The following CRYBG1 variants were observed in gnomAD, a reference collection of about 807,000 sequenced individuals.
The protein encoded by CRYBG1 is beta/gamma crystallin domain-containing protein 1.
CRYBG1 carries 139 observed loss-of-function variants against 189.2 expected under a neutral mutation model. The observed-to-expected ratio is 0.73, with a 90% CI of 0.64 to 0.85. The LOEUF is 0.85. Among genes scored for constraint, CRYBG1 ranks in the 40% least tolerant of loss-of-function variants. The pLI, the probability that CRYBG1 is intolerant of heterozygous loss-of-function variation, is 0.00. For missense variants in CRYBG1, 2,611 were observed against 2,675.8 expected (o/e 0.98, Z 0.53); for synonymous variants, 1,023 against 1,017.1 (o/e 1.01, Z -0.11).
intron 21 of CRYBG1, 121 bp downstream of exon 21, chr6:106,564,047 C>T: frequency 1.9e-6 from 2 of 1,036,294 alleles, no homozygotes; most frequent in Non-Finnish European, 2.8e-6. Flanking sequence ...AAGAGAGCCC[C>T]TACTGTGTGC....
intron 2 of CRYBG1, among the ~76,000 whole-genome samples, chr6:106,482,572 G>A (rs750754214): frequency 3.3e-5 from 5 of 152,044 alleles, no homozygotes; most frequent in Non-Finnish European, 5.9e-5. Flanking sequence ...TCAGGAGATC[G>A]AGACCATCCT....
chr6:106,534,222 A>C (rs1360057119), intron 8 of CRYBG1, among the ~76,000 whole-genome samples: 1 of 152,154 alleles, frequency 6.6e-6, no homozygotes, highest in Non-Finnish European at 1.5e-5. Context: ...ACCTTAAATG[A>C]TATTTCTTAC....
intron 1 of CRYBG1, among the ~76,000 whole-genome samples, chr6:106,444,155 G>A (rs1253312646): frequency 1.3e-5 from 2 of 151,954 alleles, no homozygotes; most frequent in African/African-American, 4.8e-5. Flanking sequence ...CTTTCTTTGG[G>A]GAGTATTGAC....
chr6:106,431,052 G>A (rs1485909680), intron 1 of CRYBG1, among the ~76,000 whole-genome samples: 1 of 151,900 alleles, frequency 6.6e-6, no homozygotes, highest in East Asian at 1.9e-4. Flanking sequence ...AGTAGAGATG[G>A]GGTTTCACCA....
intron 1 of CRYBG1, among the ~76,000 whole-genome samples, chr6:106,448,619 C>T (rs563450948): frequency 9.9e-4 from 151 of 152,346 alleles, no homozygotes; most frequent in African/African-American, 3.6e-3. Context: ...CAAATTCCAT[C>T]TTAAATATGT....
chr6:106,435,677 C>T (rs1482226954), intron 1 of CRYBG1, among the ~76,000 whole-genome samples: 5 of 152,146 alleles, frequency 3.3e-5, no homozygotes, highest in African/African-American at 1.2e-4. Context: ...TCTTAGCCCA[C>T]TGCAACCTCC....
chr6:106,454,211 T>G (rs1771840281), intron 2 of CRYBG1, among the ~76,000 whole-genome samples: 2 of 152,100 alleles, frequency 1.3e-5, no homozygotes, highest in Non-Finnish European at 2.9e-5. Flanking sequence ...TCTTTCTCAC[T>G]CTGCATATCA....
intron 2 of CRYBG1, among the ~76,000 whole-genome samples, chr6:106,495,842 T>C (rs79112938): frequency 1.8e-5 from 2 of 113,090 alleles, no homozygotes; most frequent in African/African-American, 7.0e-5. Flanking sequence ...AAAAAACAAC[T>C]TTCCCCCCTG....
chr6:106,398,810 T>C (rs12201080), intron 1 of CRYBG1, among the ~76,000 whole-genome samples: 12,307 of 152,300 alleles, frequency 0.081, 639 homozygotes, highest in East Asian at 0.15. Flanking sequence ...CAATGCTTTC[T>C]TTCATGTTTG....
rs1562289761 is a variant in CRYBG1 at position 106,375,415 on chromosome 6, AAG to A, written c.173+14335_173+14336del. Among the ~76,000 whole-genome samples the A allele has an allele frequency of 5.4e-3, 662 of 122,914 alleles. 4 individuals carry two copies. Among genetic ancestry groups the A allele is most frequent in the African/African-American group, 0.025 (630 of 25,690 alleles). 80.6% of individuals were successfully genotyped at this position (122,914 alleles called of 152,430 possible). On this transcript the variant is annotated intron_variant, in intron 1 of 21. Coordinates refer to ENST00000633556, the MANE Select transcript of CRYBG1 (RefSeq NM_001371242.2). ...TAAGTAAGTAAGTAAGTAAGTAAGTAAGTAAGTAAATAAATAAATAAATAAAT... is the reference window on the plus strand; with the variant it reads ...TAAGTAAGTAAGTAAGTAAGTAAGTATAAGTAAATAAATAAATAAATAAAT...
intron 2 of CRYBG1, among the ~76,000 whole-genome samples, chr6:106,481,337 G>A (rs1307909138): frequency 1.3e-5 from 2 of 152,052 alleles, no homozygotes; most frequent in East Asian, 3.9e-4. Context: ...TTAGCTTACT[G>A]TCATTCTGAC....
chr6:106,396,723 C>T (rs533379132), intron 1 of CRYBG1, among the ~76,000 whole-genome samples: 3 of 152,318 alleles, frequency 2.0e-5, no homozygotes, highest in South Asian at 2.1e-4. Context: ...GCACTGTTGC[C>T]CAGGCTGGGG....
chr6:106,491,942 T>G (rs1452568148), intron 2 of CRYBG1, among the ~76,000 whole-genome samples: 1 of 152,210 alleles, frequency 6.6e-6, no homozygotes, highest in Non-Finnish European at 1.5e-5. Flanking sequence ...TCGTGCCTTA[T>G]AACTCCAGTT....
intron 13 of CRYBG1, among the ~76,000 whole-genome samples, chr6:106,551,523 G>A (rs534791226): frequency 6.6e-6 from 1 of 152,066 alleles, no homozygotes; most frequent in African/African-American, 2.4e-5. Context: ...TTTTCCCCTG[G>A]GTATATCCCA....
At position 106,479,864 on chromosome 6, in the gene CRYBG1, C is replaced by A. The variant is rs562572253; in HGVS notation, c.312+28032C>A. 1.6e-4 allele frequency among the ~76,000 whole-genome samples: 25 copies of A among 152,256 alleles called. No individual in the cohort carries two copies. The South Asian group carries it at 5.2e-3, about 32-fold the overall frequency. On this transcript the variant is annotated intron_variant, in intron 2 of 21. Coordinates refer to ENST00000633556, the MANE Select transcript of CRYBG1 (RefSeq NM_001371242.2). Reference sequence around the variant, plus strand: ...AATATTTTCCTCCATTCTGTGGATTCTCTTTGCATTTTCTTGAAAGTGTCC... The same window carrying A: ...AATATTTTCCTCCATTCTGTGGATTATCTTTGCATTTTCTTGAAAGTGTCC...
chr6:106,491,181 A>G (rs1270608521), intron 2 of CRYBG1, among the ~76,000 whole-genome samples: 3 of 152,222 alleles, frequency 2.0e-5, no homozygotes, highest in Non-Finnish European at 4.4e-5. Flanking sequence ...TATGCTTATT[A>G]ATGAAGGTCT....
chr6:106,427,142 T>C (rs1053573475), intron 1 of CRYBG1, among the ~76,000 whole-genome samples: 17 of 152,194 alleles, frequency 1.1e-4, no homozygotes, highest in Admixed American at 8.5e-4. Flanking sequence ...CTGCATTTAC[T>C]TTCTAGGTGA....
intron 1 of CRYBG1, among the ~76,000 whole-genome samples, chr6:106,405,044 C>A (rs749662854): frequency 1.3e-5 from 2 of 151,970 alleles, no homozygotes; most frequent in Non-Finnish European, 2.9e-5. Context: ...ACTGTTCACT[C>A]CCCTGGAAAG....
In CRYBG1 at chr6:106,517,317, CAT is replaced by C. The variant is rs1286467862; in HGVS notation, c.1923-1804_1923-1803del. 2.4e-3 allele frequency among the ~76,000 whole-genome samples: 341 copies of C among 139,574 alleles called. 8 individuals carry two copies. Among genetic ancestry groups the C allele is most frequent in the Non-Finnish European group, 3.9e-3 (255 of 65,748 alleles). 91.6% of individuals were successfully genotyped at this position (139,574 alleles called of 152,430 possible). A position where few individuals can be genotyped will look rare whatever the true frequency, so the allele number is the denominator to read the frequency against. On this transcript the variant is annotated intron_variant, in intron 3 of 21. Coordinates refer to ENST00000633556, the MANE Select transcript of CRYBG1 (RefSeq NM_001371242.2). ...ACATATATATATACACACACACACA[CAT>C]ATATATATACACATATATATATACA...
Sources: gnomAD v4.1 joint callset for allele counts (sites outside exome capture counted in the v4.1 genomes callset) on GRCh38, gnomAD v4.1.1 for gene constraint, MANE v1.5 for transcripts, NCBI Gene and HGNC (gene_info 2026-07-23, HGNC 2026-07-21) for gene names.